Variants in CHCHD6 observed in about 807,000 individuals in gnomAD.
The protein encoded by CHCHD6 is MICOS complex subunit MIC25.
CHCHD6 carries 28 observed loss-of-function variants against 32.3 expected under a neutral mutation model. The ratio of observed to expected loss-of-function variants is 0.87; its 90% CI spans 0.64 to 1.19. The LOEUF (loss-of-function observed/expected upper bound fraction) is 1.19. Ranked by LOEUF, CHCHD6 falls within the 50% of genes most tolerant of loss-of-function variation. The probability of loss-of-function intolerance (pLI) is 0.00; values close to 1 mark genes in which losing one functional copy is unlikely to be tolerated. For missense variants in CHCHD6, 333 were observed against 307.0 expected, an observed-to-expected ratio of 1.08 and a Z score of -0.63; for synonymous variants, 122 against 117.5, an observed-to-expected ratio of 1.04 and a Z score of -0.25.
At chr3:126,759,995 G>A (rs988437340) in intron 4 of CHCHD6, among the ~76,000 whole-genome samples, 8 of 152,262 alleles carry the variant, frequency 5.3e-5, no homozygotes, top group Middle Eastern at 6.8e-3. Flanking sequence ...GAGAACAGGA[G>A]CAAGGACTGG....
At chr3:126,812,102 G>C (rs1027296404) in intron 4 of CHCHD6, among the ~76,000 whole-genome samples, 2 of 150,080 alleles carry the variant, frequency 1.3e-5, no homozygotes, top group African/African-American at 4.9e-5. Context: ...TATCTGTGCA[G>C]GTTTTTTTTT....
chr3:126,748,987 A>G (rs537450729), intron 4 of CHCHD6, among the ~76,000 whole-genome samples: 1 of 152,314 alleles, frequency 6.6e-6, no homozygotes, highest in South Asian at 2.1e-4. Context: ...GAGGTCAGCT[A>G]ATGCTTCTCT....
intron 4 of CHCHD6, among the ~76,000 whole-genome samples, chr3:126,813,544 C>T (rs184712848): frequency 1.3e-5 from 2 of 152,162 alleles, no homozygotes; most frequent in East Asian, 3.9e-4. Flanking sequence ...GAGCTTTCAC[C>T]CACATGAGCT....
chr3:126,843,010 A>C lies in CHCHD6; in HGVS notation c.412-9637A>C, dbSNP rs1410972571. ...CCTTTTTCTCTGCTGTCTTAGGGAAAGAGCCTTCAATATTACACCAATAAG... is the reference window on the plus strand; with the variant it reads ...CCTTTTTCTCTGCTGTCTTAGGGAACGAGCCTTCAATATTACACCAATAAG... On this transcript the variant is annotated intron_variant, in intron 4 of 7. Coordinates refer to ENST00000290913, the MANE Select transcript of CHCHD6 (RefSeq NM_032343.3). 2.6e-5 allele frequency among the ~76,000 whole-genome samples: 4 copies of C among 152,154 alleles called. No homozygotes were observed. The East Asian group carries it at 5.8e-4, about 22-fold the overall frequency.
At chr3:126,944,939 G>A (rs1576634504) in intron 6 of CHCHD6, among the ~76,000 whole-genome samples, 1 of 152,230 alleles carries the variant, frequency 6.6e-6, no homozygotes, top group African/African-American at 2.4e-5. Context: ...TGTGGCTGTG[G>A]GTGGGTGAGA....
intron 4 of CHCHD6, among the ~76,000 whole-genome samples, chr3:126,816,269 T>C (rs1376529409): frequency 2.6e-5 from 4 of 152,212 alleles, no homozygotes; most frequent in Non-Finnish European, 4.4e-5. Context: ...AGCTGAGCAC[T>C]GAGCCAGGCA....
intron 4 of CHCHD6, among the ~76,000 whole-genome samples, chr3:126,763,820 T>C (rs887611247): frequency 8.5e-5 from 13 of 152,126 alleles, no homozygotes; most frequent in Non-Finnish European, 1.6e-4. Flanking sequence ...GAGAGGAAGT[T>C]GAGGAATTAT....
intron 4 of CHCHD6, among the ~76,000 whole-genome samples, chr3:126,789,312 G>A (rs1214891758): frequency 8.5e-5 from 13 of 152,174 alleles, no homozygotes; most frequent in African/African-American, 2.9e-4. Flanking sequence ...ATTTGGGGTG[G>A]AGAGTTCTGT....
At chr3:126,881,822 A>G (rs2077614386) in intron 5 of CHCHD6, among the ~76,000 whole-genome samples, 1 of 152,242 alleles carries the variant, frequency 6.6e-6, no homozygotes, top group Non-Finnish European at 1.5e-5. Flanking sequence ...GACAAAAGAA[A>G]GAACGAGGTA....
At chr3:126,911,254 AC>A (rs1377745310) in intron 5 of CHCHD6, among the ~76,000 whole-genome samples, 1 of 152,082 alleles carries the variant, frequency 6.6e-6, no homozygotes, top group African/African-American at 2.4e-5. Context: ...TTGTCTCAGA[AC>A]CTTCTGGCAC....
intron 6 of CHCHD6, among the ~76,000 whole-genome samples, chr3:126,955,006 G>T (rs1289229290): frequency 6.6e-6 from 1 of 152,230 alleles, no homozygotes; most frequent in Non-Finnish European, 1.5e-5. Context: ...AGAGAGCCTG[G>T]CCTGTGACTT....
intron 4 of CHCHD6, among the ~76,000 whole-genome samples, chr3:126,748,477 C>G (rs1398573824): frequency 3.3e-5 from 5 of 151,932 alleles, no homozygotes; most frequent in African/African-American, 1.2e-4. Context: ...CGCTGGTAAT[C>G]TCAGCCACTT....
chr3:126,934,536 C>CTTTTTTTTTTTTTTT (rs386397861), intron 6 of CHCHD6, among the ~76,000 whole-genome samples: 1 of 58,228 alleles, frequency 1.7e-5, no homozygotes, highest in Non-Finnish European at 3.1e-5. Flanking sequence ...CCCCTCTCTG[C>CTTTTTTTTTTTTTTT]TTTTTTTTTT....
chr3:126,726,475 A>G (rs1935540410), intron 1 of CHCHD6, among the ~76,000 whole-genome samples: 1 of 152,252 alleles, frequency 6.6e-6, no homozygotes, highest in South Asian at 2.1e-4. Context: ...TGACTGAGAG[A>G]CACAAAGTAC....
intron 6 of CHCHD6, among the ~76,000 whole-genome samples, chr3:126,952,095 G>A (rs2078723903): frequency 6.6e-6 from 1 of 152,198 alleles, no homozygotes; most frequent in Non-Finnish European, 1.5e-5. Flanking sequence ...AACTGCCTTG[G>A]TGTTTTAGAA....
At chr3:126,913,457 A>G (rs2107589687) in intron 5 of CHCHD6, among the ~76,000 whole-genome samples, 1 of 150,368 alleles carries the variant, frequency 6.7e-6, no homozygotes, top group Middle Eastern at 3.4e-3. Flanking sequence ...CTGATCTTGA[A>G]CTCCTGACCT....
chr3:126,908,331 G>A lies in CHCHD6; in HGVS notation c.496-6349G>A, dbSNP rs553707413. Among the ~76,000 whole-genome samples, 10 of 152,288 alleles carry A rather than the reference G, an allele frequency of 6.6e-5. No individual in the cohort carries two copies. In the East Asian group the frequency reaches 9.7e-4, roughly 15 times the overall value. On this transcript the variant is annotated intron_variant, in intron 5 of 7. Transcript: ENST00000290913. ...CCTCAGACTCCTCTGTGCTTTGGTC[G>A]GATTCTGTGCTACCCCCAGCTGGCT... is the stretch of plus-strand genomic sequence containing the variant.
intron 6 of CHCHD6, among the ~76,000 whole-genome samples, chr3:126,930,225 T>A (rs1288670948): frequency 1.3e-5 from 2 of 152,264 alleles, no homozygotes; most frequent in African/African-American, 2.4e-5. Flanking sequence ...CTTTTCCATG[T>A]ACTCCAAACC....
chr3:126,802,802 G>T (rs1442980154), intron 4 of CHCHD6, among the ~76,000 whole-genome samples: 1 of 152,116 alleles, frequency 6.6e-6, no homozygotes, highest in Non-Finnish European at 1.5e-5. Flanking sequence ...AAATGTTAAG[G>T]TCAGCCAGAG....
Sources: gnomAD v4.1 joint callset for allele counts (sites outside exome capture counted in the v4.1 genomes callset) on GRCh38, gnomAD v4.1.1 for gene constraint, MANE v1.5 for transcripts, NCBI Gene and HGNC (gene_info 2026-07-23, HGNC 2026-07-21) for gene names.